Variants in NT5DC3 observed in about 807,000 individuals in gnomAD.
NT5DC3 encodes the protein 5'-nucleotidase domain-containing protein 3.
A neutral mutation model predicts 67.8 loss-of-function variants in NT5DC3; 42 were observed. The observed-to-expected ratio is 0.62, with a 90% CI of 0.48 to 0.80. NT5DC3 has a LOEUF of 0.80. NT5DC3 is among the 30% of genes least tolerant of loss of function. The probability of loss-of-function intolerance (pLI) is 0.00; values close to 1 mark genes in which losing one functional copy is unlikely to be tolerated. For missense variants in NT5DC3, 570 were observed against 696.4 expected (o/e 0.82, Z 2.04); for synonymous variants, 237 against 255.6 (o/e 0.93, Z 0.69).
At chr12:103,817,051 AG>A (rs200792453) in intron 1 of NT5DC3, among the ~76,000 whole-genome samples, 13,979 of 145,942 alleles carry the variant, frequency 0.096, 1,001 homozygotes, top group East Asian at 0.28. Context: ...GAAAAAAAAA[AG>A]AAAGAAAGCT....
chr12:103,817,041 G>GA lies in NT5DC3; in HGVS notation c.209-1921dup, dbSNP rs372589040. Reference sequence around the variant, plus strand: ...CATTTTCCATCCATAACAGCAAAAAGAAAAAAAAAAGAAAGAAAGCTAACA... The same window carrying GA: ...CATTTTCCATCCATAACAGCAAAAAGAAAAAAAAAAAGAAAGAAAGCTAACA... On this transcript the variant is annotated intron_variant, in intron 1 of 13. Transcript: ENST00000392876. 9.1e-3 allele frequency among the ~76,000 whole-genome samples: 719 copies of GA among 79,300 alleles called. 4 individuals are homozygous for GA. Among genetic ancestry groups the GA allele is most frequent in the Non-Finnish European group, 0.011 (430 of 37,522 alleles). 52.0% of individuals were successfully genotyped at this position (79,300 alleles called of 152,430 possible). A position where few individuals can be genotyped will look rare whatever the true frequency, so the allele number is the denominator to read the frequency against.
chr12:103,758,434 T>C, the NT5DC3 span: 1 of 1,379,962 alleles, frequency 7.2e-7, no homozygotes, highest in African/African-American at 1.4e-5. Flanking sequence ...GCCACTCCCT[T>C]GGTCTTGGCA....
intron 13 of NT5DC3, among the ~76,000 whole-genome samples, chr12:103,779,926 T>A (rs17034532): frequency 0.17 from 26,106 of 152,066 alleles, 3,087 homozygotes; most frequent in African/African-American, 0.33. Context: ...CATTGAGGGT[T>A]CAGAGCCCAA....
chr12:103,830,159 AG>A (rs1373924038), intron 1 of NT5DC3, among the ~76,000 whole-genome samples: 1 of 152,246 alleles, frequency 6.6e-6, no homozygotes, highest in Non-Finnish European at 1.5e-5. Flanking sequence ...CCTCGGAGAC[AG>A]GTATTATTGT....
At chr12:103,764,523 C>T in the NT5DC3 span, among the ~76,000 whole-genome samples, 1 of 152,088 alleles carries the variant, frequency 6.6e-6, no homozygotes, top group African/African-American at 2.4e-5. Context: ...GGAAGTACAT[C>T]CTGCCTGTAG....
At chr12:103,750,636 C>T in the NT5DC3 span, 11 of 1,614,104 alleles carry the variant, frequency 6.8e-6, no homozygotes, top group Non-Finnish European at 9.3e-6. Context: ...GAACTGTGAG[C>T]CGGAGCAGCT....
chr12:103,811,477 C>T (rs573285882), intron 2 of NT5DC3, among the ~76,000 whole-genome samples: 54 of 152,220 alleles, frequency 3.5e-4, no homozygotes, highest in Admixed American at 1.3e-3. Context: ...CTCCCCCAAA[C>T]CCATAACCCA....
At chr12:103,750,956 G>C in the NT5DC3 span, among the ~76,000 whole-genome samples, 1 of 152,204 alleles carries the variant, frequency 6.6e-6, no homozygotes, top group South Asian at 2.1e-4. Context: ...GCCGGTTGTG[G>C]CAGTGCGCGC....
At chr12:103,812,874 G>A (rs1887093547) in intron 2 of NT5DC3, among the ~76,000 whole-genome samples, 1 of 152,198 alleles carries the variant, frequency 6.6e-6, no homozygotes, top group African/African-American at 2.4e-5. Context: ...TGTTTTCTAT[G>A]TGCCATCTAC....
At chr12:103,801,291 A>T (rs1436927892) in intron 4 of NT5DC3, among the ~76,000 whole-genome samples, 1 of 151,838 alleles carries the variant, frequency 6.6e-6, no homozygotes, top group Non-Finnish European at 1.5e-5. Context: ...GAAAGAGAAG[A>T]AAAGTGACAT....
Position 103,793,433 on chromosome 12 carries a change from G to A in NT5DC3, c.894C>T (p.Ile298=), listed in dbSNP as rs991673039. 1.6e-5 allele frequency: 26 copies of A among 1,614,148 alleles called. No homozygotes were observed. Among genetic ancestry groups the A allele is most frequent in the Non-Finnish European group, 2.2e-5 (26 of 1,179,960 alleles). The change falls in exon 8 of 14, where the codon ATC becomes ATT. Residue 298 remains isoleucine, a synonymous_variant. Transcript: ENST00000392876. ...ACACAAAGCTACTGGGGCTATTGGT[G>A]ATGAGAAACATCTTCTTGCCATGAT... ...LADHGKKMFL[I]TNSPSSFVDK... is the part of the protein sequence containing the mutation.
the NT5DC3 span, among the ~76,000 whole-genome samples, chr12:103,761,092 T>C: frequency 6.6e-6 from 1 of 152,178 alleles, no homozygotes; most frequent in Non-Finnish European, 1.5e-5. Context: ...CATAAGGTTC[T>C]CTGCAGCCCT....
At chr12:103,755,622 C>T in the NT5DC3 span, 2 of 1,614,184 alleles carry the variant, frequency 1.2e-6, no homozygotes, top group Non-Finnish European at 1.7e-6. Flanking sequence ...ATGTGAACTG[C>T]ACCTGCAAGG....
At chr12:103,819,072 C>T (rs1188390884) in intron 1 of NT5DC3, among the ~76,000 whole-genome samples, 1 of 152,146 alleles carries the variant, frequency 6.6e-6, no homozygotes, top group African/African-American at 2.4e-5. Context: ...TATGTGAAGC[C>T]CTCAAGGAAA....
chr12:103,821,431 A>G (rs560161136), intron 1 of NT5DC3, among the ~76,000 whole-genome samples: 1 of 152,350 alleles, frequency 6.6e-6, no homozygotes, highest in South Asian at 2.1e-4. Context: ...CTGGCCTAAC[A>G]GAGCACCTGA....
At chr12:103,750,540 G>A in the NT5DC3 span, 2 of 1,609,180 alleles carry the variant, frequency 1.2e-6, no homozygotes, top group Non-Finnish European at 1.7e-6. Flanking sequence ...GGGTCCTAGA[G>A]AAGGAACTTT....
chr12:103,783,152 C>T (rs1333194973), intron 12 of NT5DC3, among the ~76,000 whole-genome samples: 2 of 152,196 alleles, frequency 1.3e-5, no homozygotes, highest in African/African-American at 4.8e-5. Flanking sequence ...CTACCACAGG[C>T]TCAGTGGAAT....
chr12:103,759,833 C>T, the NT5DC3 span, among the ~76,000 whole-genome samples: 1 of 152,210 alleles, frequency 6.6e-6, no homozygotes, highest in East Asian at 1.9e-4. Context: ...GAGAAGCATA[C>T]ACATTTTATT....
At chr12:103,769,950 G>A (rs372481060), downstream of NT5DC3, among the ~76,000 whole-genome samples, 24 of 152,238 alleles carry the variant, frequency 1.6e-4, no homozygotes, top group East Asian at 3.9e-4. Flanking sequence ...AAAGTAATGC[G>A]AAGGATTGGG....
Sources: gnomAD v4.1 joint callset for allele counts (sites outside exome capture counted in the v4.1 genomes callset) on GRCh38, gnomAD v4.1.1 for gene constraint, MANE v1.5 for transcripts, NCBI Gene and HGNC (gene_info 2026-07-23, HGNC 2026-07-21) for gene names.